Variants in SBF2 observed in about 807,000 individuals in gnomAD.
SBF2 encodes myotubularin-related protein 13.
A neutral mutation model predicts 225.2 loss-of-function variants in SBF2; 112 were observed. The ratio of observed to expected loss-of-function variants is 0.50; its 90% confidence interval spans 0.43 to 0.58. The LOEUF (loss-of-function observed/expected upper bound fraction) is 0.58. SBF2 is among the 20% of genes least tolerant of loss of function. SBF2 has a pLI of 0.00. For missense variants in SBF2, 1,996 were observed against 2,206.2 expected, an observed-to-expected ratio of 0.90 and a Z score of 1.91; for synonymous variants, 763 against 773.3, an observed-to-expected ratio of 0.99 and a Z score of 0.22.
intron 16 of SBF2, among the ~76,000 whole-genome samples, chr11:9,898,165 G>A (rs1171751585): frequency 3.3e-5 from 5 of 151,934 alleles, no homozygotes; most frequent in Non-Finnish European, 7.4e-5. Context: ...GATGGGGAGG[G>A]CGTAGTACTG....
chr11:10,290,805 T>G (rs901033159), intron 1 of SBF2, among the ~76,000 whole-genome samples: 4 of 152,174 alleles, frequency 2.6e-5, no homozygotes, highest in African/African-American at 9.7e-5. Context: ...TAAATGCATA[T>G]GTATGTTTAT....
intron 1 of SBF2, among the ~76,000 whole-genome samples, chr11:10,221,829 A>AGG (rs1326359335): frequency 6.6e-6 from 1 of 152,210 alleles, no homozygotes; most frequent in African/African-American, 2.4e-5. Context: ...TTTTGGCCTG[A>AGG]GGGCAGATCC....
chr11:10,014,505 T>TAAAAAAAAA (rs1181315538), intron 6 of SBF2, among the ~76,000 whole-genome samples: 34 of 70,798 alleles, frequency 4.8e-4, no homozygotes, highest in East Asian at 1.5e-3. Flanking sequence ...CCATTTCAAC[T>TAAAAAAAAA]AAAAAAAAAA....
chr11:9,845,475 A>G (rs976446182), intron 24 of SBF2, 90 bp downstream of exon 24: 13 of 1,198,192 alleles, frequency 1.1e-5, no homozygotes, highest in Middle Eastern at 2.0e-4. Flanking sequence ...GAAAACAGCA[A>G]TCGCTTACAC....
At chr11:9,780,916 C>T (rs1217632015) in intron 39 of SBF2, 4 of 303,666 alleles carry the variant, frequency 1.3e-5, no homozygotes, top group Admixed American at 4.6e-5. Flanking sequence ...AGTTGGCCTT[C>T]GTGTCCCCTT....
chr11:9,980,288 T>C (rs1267175926), intron 13 of SBF2, among the ~76,000 whole-genome samples: 1 of 96,994 alleles, frequency 1.0e-5, no homozygotes, highest in East Asian at 2.6e-4. Flanking sequence ...CCTCTTGTAA[T>C]TAAAAAAAAA....
chr11:10,113,510 G>T (rs1457531089), intron 2 of SBF2, among the ~76,000 whole-genome samples: 1 of 151,980 alleles, frequency 6.6e-6, no homozygotes, highest in East Asian at 1.9e-4. Context: ...AAAACATTAA[G>T]ATATTACTAT....
At chr11:10,123,758 TA>T (rs1256566160) in intron 2 of SBF2, among the ~76,000 whole-genome samples, 1 of 152,190 alleles carries the variant, frequency 6.6e-6, no homozygotes, top group Non-Finnish European at 1.5e-5. Context: ...TATTCAGACC[TA>T]GGTATAAACA....
At chr11:10,187,885 A>C (rs1264372590) in intron 2 of SBF2, among the ~76,000 whole-genome samples, 2 of 152,236 alleles carry the variant, frequency 1.3e-5, no homozygotes, top group Non-Finnish European at 2.9e-5. Flanking sequence ...CAGGACATAA[A>C]CTATACTTCA....
At chr11:10,217,961 G>A (rs189309186) in intron 1 of SBF2, among the ~76,000 whole-genome samples, 238 of 151,958 alleles carry the variant, frequency 1.6e-3, no homozygotes, top group Middle Eastern at 0.014. Context: ...GTGCAGTGGC[G>A]CGATCTCAGC....
chr11:9,879,573 G>A (rs1424714593), intron 17 of SBF2, among the ~76,000 whole-genome samples: 2 of 152,124 alleles, frequency 1.3e-5, no homozygotes, highest in African/African-American at 2.4e-5. Context: ...TAGGGACTGT[G>A]TCTGTTTTAT....
At chr11:10,178,360 A>G (rs1228009536) in intron 2 of SBF2, among the ~76,000 whole-genome samples, 1 of 146,842 alleles carries the variant, frequency 6.8e-6, no homozygotes, top group African/African-American at 2.5e-5. Context: ...CATTACACTA[A>G]AGAGCTTCTG....
intron 16 of SBF2, among the ~76,000 whole-genome samples, chr11:9,916,858 A>G (rs1416407886): frequency 6.7e-6 from 1 of 148,238 alleles, no homozygotes; most frequent in Non-Finnish European, 1.5e-5. Context: ...TGCTAAGAGT[A>G]CAGGAGCAAA....
At position 10,071,689 on chromosome 11, in the gene SBF2, A is replaced by C. The variant is rs1440696614; in HGVS notation, c.142-28708T>G. Among the ~76,000 whole-genome samples, 3 of 152,186 alleles carry C rather than the reference A, an allele frequency of 2.0e-5. No individual in the cohort carries two copies. The East Asian group carries it at 5.8e-4, about 29-fold the overall frequency. ...CATTCCATCAATATCTAGTTTATTG[A>C]GAGTTTTTAGCATGAAGGGCTGTTG... On this transcript the variant is annotated intron_variant, in intron 2 of 39. Coordinates refer to ENST00000256190, the MANE Select transcript of SBF2 (RefSeq NM_030962.4).
chr11:10,021,420 AATAGTTCAC>A (rs1948853026), intron 6 of SBF2, among the ~76,000 whole-genome samples: 1 of 152,076 alleles, frequency 6.6e-6, no homozygotes, highest in Non-Finnish European at 1.5e-5. Flanking sequence ...GGTAAACAAA[AATAGTTCAC>A]ATAGGCTGCC....
chr11:9,975,366 G>C (rs1170609906), intron 13 of SBF2, among the ~76,000 whole-genome samples: 3 of 152,176 alleles, frequency 2.0e-5, no homozygotes, highest in South Asian at 2.1e-4. Flanking sequence ...GAAATGCACT[G>C]TGCTAAGTGA....
At chr11:9,785,380 A>C (rs1412779185) in intron 36 of SBF2, 62 bp from the exon 37 acceptor site, 12 of 1,109,742 alleles carry the variant, frequency 1.1e-5, no homozygotes, top group Non-Finnish European at 1.3e-5. Flanking sequence ...TGACTGGAAA[A>C]TTTCATTTAC....
rs377348270 is a variant in SBF2 at position 9,994,577 on chromosome 11, C to CATATATATATATAT, written c.976-593_976-580dup. ...AATAAACCCTAAATCTATATATGTA[C>CATATATATATATAT]ATATATATATATATATGAAAATGAA... On this transcript the variant is annotated intron_variant, in intron 9 of 39. Coordinates refer to ENST00000256190, the MANE Select transcript of SBF2 (RefSeq NM_030962.4). Among the ~76,000 whole-genome samples, 1,034 of 134,038 alleles carry CATATATATATATAT rather than the reference C, an allele frequency of 7.7e-3. 21 individuals are homozygous for CATATATATATATAT. Among genetic ancestry groups the CATATATATATATAT allele is most frequent in the Non-Finnish European group, 0.012 (747 of 63,598 alleles). 87.9% of individuals were successfully genotyped at this position (134,038 alleles called of 152,430 possible).
chr11:10,217,110 T>C (rs1371064084), intron 1 of SBF2, among the ~76,000 whole-genome samples: 1 of 152,156 alleles, frequency 6.6e-6, no homozygotes, highest in Non-Finnish European at 1.5e-5. Context: ...TAATAAAGTA[T>C]CCTCTAGACT....
Sources: allele counts gnomAD v4.1 joint callset (sites outside exome capture counted in the v4.1 genomes callset), GRCh38; gene constraint gnomAD v4.1.1; transcripts MANE v1.5; gene names NCBI Gene and HGNC (gene_info 2026-07-23, HGNC 2026-07-21).